The following NCCRP1 variants were observed in gnomAD, a reference collection of about 807,000 sequenced individuals.
NCCRP1 encodes the protein F-box only protein 50.
A neutral mutation model predicts 34.4 loss-of-function variants in NCCRP1; 32 were observed. The observed-to-expected ratio is 0.93, with a 90% CI of 0.70 to 1.25. The LOEUF (loss-of-function observed/expected upper bound fraction) is 1.25. NCCRP1 is among the 50% of genes most tolerant of loss of function. NCCRP1 has a pLI of 0.00. For synonymous variants in NCCRP1, 172 were observed against 180.1 expected (o/e 0.95, Z 0.36); for missense variants, 372 against 391.8 (o/e 0.95, Z 0.43).
rs1188723892 is a variant in NCCRP1 at position 39,198,033 on chromosome 19, C to A, written c.338-20C>A. On this transcript the variant is annotated intron_variant, in intron 1 of 5. Transcript: ENST00000339852. The stretch of plus-strand genomic sequence containing the variant: ...AGATGGAGGGGCTGCCCAGAGGCTC[C>A]ACTCACCTGTCCATTTCAGGCATCA... The A allele has an allele frequency of 6.2e-7, 1 of 1,612,602 alleles. No individual in the cohort carries two copies. The highest frequency in any genetic ancestry group is 2.2e-5 in the East Asian group (1 of 44,886).
Position 39,196,978 on chromosome 19 carries a change from G to A in NCCRP1, c.-5G>A, listed in dbSNP as rs1205859894. 1.3e-6 allele frequency: 2 copies of A among 1,534,074 alleles called. No homozygotes were observed. Reference sequence around the variant, plus strand: ...GAAACCGGGACAGTCGCGCAGCCTCGAGGGATGGAGGAGGTGCGTGAGGGA... The same window carrying A: ...GAAACCGGGACAGTCGCGCAGCCTCAAGGGATGGAGGAGGTGCGTGAGGGA... On this transcript the variant is annotated 5_prime_UTR_variant, in exon 1 of 6. Coordinates refer to ENST00000339852, the MANE Select transcript of NCCRP1 (RefSeq NM_001001414.2).
At position 39,200,285 on chromosome 19, in the gene NCCRP1, G is replaced by A; in HGVS notation, c.549-61G>A. 1 of 1,595,262 alleles carries A rather than the reference G, an allele frequency of 6.3e-7. No homozygotes were observed. The highest frequency in any genetic ancestry group is 8.5e-7 in the Non-Finnish European group (1 of 1,170,352). On this transcript the variant is annotated intron_variant, in intron 4 of 5. Coordinates refer to ENST00000339852, the MANE Select transcript of NCCRP1 (RefSeq NM_001001414.2). This position sits in a 1 kb window ranked among gnomAD's most constrained non-coding sequence, Gnocchi z 5.8. Reference sequence around the variant, plus strand: ...GTGTGTTGAATGGGGAATGGGGCCAGGGGCTGGGGCTGGGTAGCTGAGACT... The same window carrying A: ...GTGTGTTGAATGGGGAATGGGGCCAAGGGCTGGGGCTGGGTAGCTGAGACT...
intron 3 of NCCRP1, 44 bp downstream of exon 3, chr19:39,198,297 C>A: frequency 6.2e-7 from 1 of 1,600,114 alleles, no homozygotes; most frequent in South Asian, 1.1e-5. Flanking sequence ...ATTCCCTGCT[C>A]CACCCTTCCT....
intron 1 of NCCRP1, 120 bp from the exon 2 acceptor site, chr19:39,197,933 G>A: frequency 8.5e-7 from 1 of 1,176,442 alleles, no homozygotes; most frequent in South Asian, 1.3e-5. Flanking sequence ...ATCCCTGCCG[G>A]GCTTCCCTGA....
At chr19:39,199,783 G>T (rs984792914) in intron 4 of NCCRP1, among the ~76,000 whole-genome samples, 1 of 151,984 alleles carries the variant, frequency 6.6e-6, no homozygotes, top group Non-Finnish European at 1.5e-5. Flanking sequence ...AAAGTGCTGG[G>T]ATTACAGGTG....
rs778843629 is a variant in NCCRP1, at chr19:39,199,137, C to A, written c.453-33C>A. 5.0e-6 allele frequency: 8 copies of A among 1,599,774 alleles called. No individual in the cohort carries two copies. In the South Asian group the frequency reaches 8.8e-5, roughly 18 times the overall value. Reference sequence around the variant, plus strand: ...CTGCTCCCTGGATCCTGGCAGATCGCAGACCCCGCCTCTCCCGGCCCTTCT... The same window carrying A: ...CTGCTCCCTGGATCCTGGCAGATCGAAGACCCCGCCTCTCCCGGCCCTTCT... On this transcript the variant is annotated intron_variant, in intron 3 of 5. Coordinates refer to ENST00000339852, the MANE Select transcript of NCCRP1 (RefSeq NM_001001414.2).
Position 39,200,874 on chromosome 19 carries a change from C to A in NCCRP1, c.*118C>A. 2 of 1,247,646 alleles carry A rather than the reference C, an allele frequency of 1.6e-6. No individual in the cohort carries two copies. The highest frequency in any genetic ancestry group is 2.2e-6 in the Non-Finnish European group (2 of 901,886). 77.3% of individuals were successfully genotyped at this position (1,247,646 alleles called of 1,614,324 possible). Reference sequence around the variant, plus strand: ...GGCCCTTGGCTTCTCACTTGATGGACAGCTTCACACACCCTTAAGCGGTGG... The same window carrying A: ...GGCCCTTGGCTTCTCACTTGATGGAAAGCTTCACACACCCTTAAGCGGTGG... On this transcript the variant is annotated 3_prime_UTR_variant, in exon 6 of 6. Transcript: ENST00000339852. The surrounding 1 kb of genome is among the most constrained non-coding windows in gnomAD (Gnocchi z 5.8).
At position 39,200,378 on chromosome 19, in the gene NCCRP1, A is replaced by G. The variant is rs544307213; in HGVS notation, c.581A>G (p.Tyr194Cys). The part of the protein sequence containing the change: ...FEDSRLDACV[Y>C]ELHVWLLAAD... ...GACAGCCGGCTGGATGCGTGCGTCT[A>G]TGAGCTGCATGTCTGGCTGCTGGCG... Residue 194 changes from tyrosine (Y) to cysteine (C), a missense_variant, in exon 5 of 6, where the codon TAT (tyrosine) becomes TGT (cysteine). By Grantham distance (194) the Tyr-to-Cys change is radical. Transcript: ENST00000339852. This position sits in a 1 kb window ranked among gnomAD's most constrained non-coding sequence, Gnocchi z 5.8. 1.4e-5 allele frequency: 22 copies of G among 1,613,804 alleles called. No individual in the cohort carries two copies. The highest frequency in any genetic ancestry group is 1.8e-5 in the Non-Finnish European group (21 of 1,180,006).
In NCCRP1 at chr19:39,199,286, A is replaced by G. The variant is rs752708027; in HGVS notation, c.548+21A>G. The stretch of plus-strand genomic sequence containing the variant: ...GACTGGTGCGTGCCCCTCCCCTGCC[A>G]GCCTGACCCCGTGATCGCGCAGGGC... On this transcript the variant is annotated intron_variant, in intron 4 of 5. Coordinates refer to ENST00000339852, the MANE Select transcript of NCCRP1 (RefSeq NM_001001414.2). 20 of 1,608,894 alleles carry G rather than the reference A, an allele frequency of 1.2e-5. No homozygotes were observed. In the African/African-American group the frequency reaches 2.7e-4, roughly 22 times the overall value.
chr19:39,199,022 C>A, intron 3 of NCCRP1, 148 bp from the exon 4 acceptor site: 1 of 666,182 alleles, frequency 1.5e-6, no homozygotes, highest in Middle Eastern at 2.9e-4. Context: ...CTCAGAGGGG[C>A]CCGTGGGAAC....
chr19:39,197,361 CG>C (rs1214022487), intron 1 of NCCRP1, 42 bp downstream of exon 1: 1 of 1,367,236 alleles, frequency 7.3e-7, no homozygotes, highest in Non-Finnish European at 9.5e-7. Flanking sequence ...CCACCCTGAC[CG>C]TCTGTCTCTT....
chr19:39,200,896 G>A lies in NCCRP1; in HGVS notation c.*140G>A. ...GGACAGCTTCACACACCCTTAAGCG[G>A]TGGACTCCAGCATTTTCCCAGCACT... On this transcript the variant is annotated 3_prime_UTR_variant, in exon 6 of 6. Coordinates refer to ENST00000339852, the MANE Select transcript of NCCRP1 (RefSeq NM_001001414.2). The surrounding 1 kb of genome is among the most constrained non-coding windows in gnomAD (Gnocchi z 5.8). 1 of 1,052,970 alleles carries A rather than the reference G, an allele frequency of 9.5e-7. No individual in the cohort carries two copies. The highest frequency in any genetic ancestry group is 1.4e-6 in the Non-Finnish European group (1 of 736,854). 65.2% of individuals were successfully genotyped at this position (1,052,970 alleles called of 1,614,324 possible).
intron 3 of NCCRP1, 126 bp downstream of exon 3, chr19:39,198,379 A>G: frequency 9.9e-7 from 1 of 1,013,566 alleles, no homozygotes; most frequent in Non-Finnish European, 1.5e-6. Flanking sequence ...CAGGGTTAGC[A>G]TAAGAGAGAA....
chr19:39,197,583 T>C (rs1055110354), intron 1 of NCCRP1, among the ~76,000 whole-genome samples: 1 of 152,100 alleles, frequency 6.6e-6, no homozygotes, highest in Non-Finnish European at 1.5e-5. Context: ...CCTCTGCCTA[T>C]GTTTCTGTCT....
Position 39,201,690 on chromosome 19 carries a change from A to T in NCCRP1, c.*934A>T, listed in dbSNP as rs2074789364. The T allele has an allele frequency of 6.6e-6, 1 of 151,924 alleles. No homozygotes were observed. The highest frequency in any genetic ancestry group is 2.4e-5 in the African/African-American group (1 of 41,314). 9.4% of individuals were successfully genotyped at this position (151,924 alleles called of 1,614,324 possible). A position where few individuals can be genotyped will look rare whatever the true frequency, so the allele number is the denominator to read the frequency against. On this transcript the variant is annotated 3_prime_UTR_variant, in exon 6 of 6. Transcript: ENST00000339852. ...GTGGTTGTCCCCTCAAAGCTGTCCC[A>T]CACCCTCCTCCGAGGACCCTTTGTG...
chr19:39,200,748 C>G lies in NCCRP1; in HGVS notation c.820C>G (p.Arg274Gly). The change falls in exon 6 of 6, where the codon CGG (arginine) becomes GGG (glycine). Residue 274 changes from arginine to glycine, a missense_variant. Physicochemically the swap from Arg to Gly is moderately radical, Grantham distance 125 (BLOSUM62 -2). Coordinates refer to ENST00000339852, the MANE Select transcript of NCCRP1 (RefSeq NM_001001414.2). This position sits in a 1 kb window ranked among gnomAD's most constrained non-coding sequence, Gnocchi z 5.8. ...CGACTCCTCCGTGTCTGTGCAGCTC[C>G]GGGAGTGACTGGCTGGCTCCTCTGT... is the stretch of plus-strand genomic sequence containing the variant. ...VTDSSVSVQL[R>G]E is the part of the protein sequence containing the mutation. 6.2e-7 allele frequency: 1 copy of G among 1,610,996 alleles called. No homozygotes were observed. Among genetic ancestry groups the G allele is most frequent in the Non-Finnish European group, 8.5e-7 (1 of 1,179,756 alleles).
intron 1 of NCCRP1, 135 bp downstream of exon 1, chr19:39,197,454 C>A: frequency 1.3e-6 from 1 of 784,484 alleles, no homozygotes; most frequent in East Asian, 3.3e-5. Context: ...GTCTCTTTTT[C>A]TGTCATTGTG....
In NCCRP1 at chr19:39,198,239, C is replaced by G; in HGVS notation, c.438C>G (p.Leu146=). The change falls in exon 3 of 6, where the codon CTC becomes CTG. Residue 146 remains leucine, a synonymous_variant. Transcript: ENST00000339852. ...GCTGGTACATTAGAACTGAAAAGCT[C>G]CAGCAGAACCAAAGGTGAGTCGCCA... ...FRGWYIRTEK[L]QQNQSWTVKQ... 1 of 1,614,134 alleles carries G rather than the reference C, an allele frequency of 6.2e-7. No individual in the cohort carries two copies. Among genetic ancestry groups the G allele is most frequent in the East Asian group, 2.2e-5 (1 of 44,882 alleles).
chr19:39,199,110 T>G (rs1354705119), intron 3 of NCCRP1, 60 bp from the exon 4 acceptor site: 2 of 1,527,184 alleles, frequency 1.3e-6, no homozygotes, highest in Non-Finnish European at 1.8e-6. Flanking sequence ...AGACAGGGCT[T>G]CCTGCTCCCT....
Sources: allele counts gnomAD v4.1 joint callset (sites outside exome capture counted in the v4.1 genomes callset), GRCh38; gene constraint gnomAD v4.1.1; non-coding constraint Gnocchi (gnomAD v3.1); transcripts MANE v1.5; gene names NCBI Gene and HGNC (gene_info 2026-07-23, HGNC 2026-07-21).